The following PRKCA variants were observed in gnomAD, a reference collection of about 807,000 sequenced individuals.
PRKCA encodes protein kinase C alpha type.
Under a neutral mutation model 87.0 loss-of-function variants are expected in PRKCA, and 27 were observed. That is an observed-to-expected ratio of 0.31 (90% CI 0.23 to 0.43). PRKCA has a LOEUF of 0.43. Ranked by LOEUF, PRKCA falls within the 20% of genes least tolerant of loss-of-function variation. PRKCA has a pLI of 1.00. For missense variants in PRKCA, 518 were observed against 852.3 expected (o/e 0.61, Z 4.88); for synonymous variants, 329 against 311.1 (o/e 1.06, Z -0.61).
chr17:66,561,061 G>C (rs376721783), intron 3 of PRKCA, among the ~76,000 whole-genome samples: 2 of 152,204 alleles, frequency 1.3e-5, no homozygotes, highest in African/African-American at 4.8e-5. Context: ...TTGACTGCCT[G>C]AGGAGGTGGG....
chr17:66,532,730 C>T (rs1167207828), intron 3 of PRKCA, among the ~76,000 whole-genome samples: 2 of 152,184 alleles, frequency 1.3e-5, no homozygotes, highest in Non-Finnish European at 2.9e-5. Context: ...TGCAAGGACT[C>T]ACTAGAATTC....
At chr17:66,679,836 C>T (rs1156497976) in intron 5 of PRKCA, among the ~76,000 whole-genome samples, 3 of 152,214 alleles carry the variant, frequency 2.0e-5, no homozygotes, top group African/African-American at 7.2e-5. Flanking sequence ...CAGAAGCTTG[C>T]CCGAGCTCAG....
At chr17:66,625,283 T>G (rs1019286515) in intron 3 of PRKCA, among the ~76,000 whole-genome samples, 4 of 152,192 alleles carry the variant, frequency 2.6e-5, no homozygotes, top group Non-Finnish European at 5.9e-5. Context: ...GAGTAAAAAT[T>G]TCAGCCTGAT....
At chr17:66,715,433 C>A (rs527288211) in intron 8 of PRKCA, among the ~76,000 whole-genome samples, 1 of 152,152 alleles carries the variant, frequency 6.6e-6, no homozygotes, top group Non-Finnish European at 1.5e-5. Context: ...AGATAAACAC[C>A]GTGGCTCCCT....
At chr17:66,713,431 G>T (rs1269934295) in intron 8 of PRKCA, among the ~76,000 whole-genome samples, 2 of 152,102 alleles carry the variant, frequency 1.3e-5, no homozygotes, top group Non-Finnish European at 2.9e-5. Flanking sequence ...CATCAGATAG[G>T]AATCTGCTCC....
chr17:66,727,810 C>G (rs559894255), intron 8 of PRKCA, among the ~76,000 whole-genome samples: 1,784 of 152,180 alleles, frequency 0.012, 43 homozygotes, highest in African/African-American at 0.04. Context: ...GAGGTGCTGG[C>G]CAAAGGTCTG....
At chr17:66,667,293 T>G (rs1330968308) in intron 5 of PRKCA, among the ~76,000 whole-genome samples, 1 of 152,210 alleles carries the variant, frequency 6.6e-6, no homozygotes, top group Non-Finnish European at 1.5e-5. Context: ...TGGAGGCATA[T>G]GTATTCATCC....
At chr17:66,439,820 T>C (rs184843638) in intron 2 of PRKCA, among the ~76,000 whole-genome samples, 1 of 152,360 alleles carries the variant, frequency 6.6e-6, no homozygotes, top group East Asian at 1.9e-4. Context: ...TTGTGCATTT[T>C]ACCTTAAGGA....
At chr17:66,700,688 G>A (rs1973037987) in intron 8 of PRKCA, among the ~76,000 whole-genome samples, 2 of 152,144 alleles carry the variant, frequency 1.3e-5, no homozygotes, top group Non-Finnish European at 2.9e-5. Context: ...GAAAACAATT[G>A]TGTTTACAGT....
chr17:66,340,039 C>T (rs1336336250), intron 2 of PRKCA: 1 of 152,186 alleles, frequency 6.6e-6, no homozygotes, highest in African/African-American at 2.4e-5. Context: ...ATTTGATGTG[C>T]TCTTCTAGGC....
intron 2 of PRKCA, among the ~76,000 whole-genome samples, chr17:66,325,940 C>T (rs1905954999): frequency 1.3e-5 from 2 of 152,152 alleles, no homozygotes; most frequent in African/African-American, 4.8e-5. Flanking sequence ...GATGTGAAGG[C>T]CCTAAGACCT....
At chr17:66,449,868 T>G (rs554778404) in intron 2 of PRKCA, among the ~76,000 whole-genome samples, 38 of 152,130 alleles carry the variant, frequency 2.5e-4, no homozygotes, top group Non-Finnish European at 4.9e-4. Context: ...GTTGTTGTTT[T>G]TTTGTTTGTT....
At chr17:66,595,731 C>T (rs942942591) in intron 3 of PRKCA, among the ~76,000 whole-genome samples, 4 of 152,042 alleles carry the variant, frequency 2.6e-5, no homozygotes, top group African/African-American at 4.8e-5. Flanking sequence ...GGATTATAGG[C>T]GTGAGCCACC....
intron 3 of PRKCA, among the ~76,000 whole-genome samples, chr17:66,569,938 T>G (rs1567905095): frequency 6.6e-6 from 1 of 152,006 alleles, no homozygotes. Flanking sequence ...ACCCCAAAAG[T>G]CATGCCCAAA....
intron 2 of PRKCA, among the ~76,000 whole-genome samples, chr17:66,348,765 G>T (rs1961265555): frequency 6.6e-6 from 1 of 152,158 alleles, no homozygotes. Flanking sequence ...GCAGCAGGTT[G>T]AACAGCAGAG....
intron 3 of PRKCA, among the ~76,000 whole-genome samples, chr17:66,633,467 A>G (rs1971076296): frequency 6.6e-6 from 1 of 152,180 alleles, no homozygotes. Context: ...AGCATGATTC[A>G]TGAGAACACA....
intron 14 of PRKCA, among the ~76,000 whole-genome samples, chr17:66,782,558 C>T (rs1975265839): frequency 6.6e-6 from 1 of 152,190 alleles, no homozygotes; most frequent in Non-Finnish European, 1.5e-5. Flanking sequence ...GCTGGAAAAC[C>T]ATGCCAGGTC....
At chr17:66,587,895 GTATA>G (rs71160580) in intron 3 of PRKCA, among the ~76,000 whole-genome samples, 7,309 of 85,384 alleles carry the variant, frequency 0.086, 907 homozygotes, top group Admixed American at 0.11. Context: ...GTGTGTGTGT[GTATA>G]TATATATATA....
At chr17:66,455,043 G>C (rs1189028481) in intron 2 of PRKCA, among the ~76,000 whole-genome samples, 1 of 152,220 alleles carries the variant, frequency 6.6e-6, no homozygotes, top group Non-Finnish European at 1.5e-5. Context: ...AGAGAAACTG[G>C]GGATGGAGGG....
Sources: gnomAD v4.1 joint callset for allele counts (sites outside exome capture counted in the v4.1 genomes callset) on GRCh38, gnomAD v4.1.1 for gene constraint, MANE v1.5 for transcripts, NCBI Gene and HGNC (gene_info 2026-07-23, HGNC 2026-07-21) for gene names.